Variants in TNRC6A observed in about 807,000 individuals in gnomAD.
The protein encoded by TNRC6A is trinucleotide repeat-containing gene 6A protein.
A neutral mutation model predicts 221.2 loss-of-function variants in TNRC6A; 44 were observed. That is an observed-to-expected ratio of 0.20 (90% CI 0.16 to 0.26). The LOEUF (loss-of-function observed/expected upper bound fraction) is 0.26, where lower values mean the gene tolerates loss of function less well. TNRC6A is among the 10% of genes least tolerant of loss of function. The pLI, the probability that TNRC6A is intolerant of heterozygous loss-of-function variation, is 1.00. For synonymous variants in TNRC6A, 847 were observed against 838.5 expected (o/e 1.01, Z -0.18); for missense variants, 2,199 against 2,404.4 (o/e 0.91, Z 1.79).
At chr16:24,732,500 A>G (rs1338175665) in intron 2 of TNRC6A, among the ~76,000 whole-genome samples, 1 of 152,216 alleles carries the variant, frequency 6.6e-6, no homozygotes, top group African/African-American at 2.4e-5. Flanking sequence ...GGTAGGTAGT[A>G]TTGTTATCTC....
At chr16:24,660,329 G>A (rs1166618042) in intron 2 of TNRC6A, among the ~76,000 whole-genome samples, 2 of 152,108 alleles carry the variant, frequency 1.3e-5, no homozygotes, top group African/African-American at 2.4e-5. Flanking sequence ...AACATACGAT[G>A]TTTGGTTTTC....
intron 2 of TNRC6A, among the ~76,000 whole-genome samples, chr16:24,721,490 G>A (rs1046904328): frequency 5.9e-5 from 9 of 151,982 alleles, no homozygotes; most frequent in African/African-American, 2.2e-4. Context: ...GCAACATGAT[G>A]AAAACCTGTC....
upstream of TNRC6A, among the ~76,000 whole-genome samples, chr16:24,729,103 T>C (rs1051688445): frequency 1.3e-5 from 2 of 152,040 alleles, no homozygotes; most frequent in African/African-American, 4.8e-5. Context: ...GCGGAACTGC[T>C]GAGTCAAAGG....
chr16:24,781,718 C>A (rs773769045), intron 5 of TNRC6A, among the ~76,000 whole-genome samples: 8 of 152,130 alleles, frequency 5.3e-5, no homozygotes, highest in Admixed American at 2.6e-4. Flanking sequence ...ATAGTTGCCA[C>A]CCCCATTCAT....
At chr16:24,675,009 G>A (rs982465146) in intron 2 of TNRC6A, among the ~76,000 whole-genome samples, 1 of 152,060 alleles carries the variant, frequency 6.6e-6, no homozygotes, top group Non-Finnish European at 1.5e-5. Context: ...AGCCAGTTGT[G>A]GTGGCATGCG....
At chr16:24,725,732 G>A (rs368308267), upstream of TNRC6A, among the ~76,000 whole-genome samples, 19 of 151,832 alleles carry the variant, frequency 1.3e-4, no homozygotes, top group African/African-American at 3.4e-4. Context: ...GGCCAGGCAC[G>A]GTGGCTCATG....
chr16:24,709,862 C>T (rs1429257430), intron 2 of TNRC6A, among the ~76,000 whole-genome samples: 4 of 148,314 alleles, frequency 2.7e-5, no homozygotes, highest in Admixed American at 6.8e-5. Context: ...TTCTTTGACT[C>T]GGCTATTCCA....
intron 2 of TNRC6A, among the ~76,000 whole-genome samples, chr16:24,676,022 A>C (rs992128042): frequency 5.3e-5 from 8 of 151,944 alleles, no homozygotes; most frequent in Admixed American, 1.3e-4. Context: ...CTAAATGGAA[A>C]AGGAAGGGCT....
At chr16:24,822,316 T>C (rs1213021042) in intron 23 of TNRC6A, among the ~76,000 whole-genome samples, 169 bp downstream of exon 23, 1 of 152,132 alleles carries the variant, frequency 6.6e-6, no homozygotes. Context: ...AATCTGGTGG[T>C]TCACGCTGTA....
Position 24,809,334 on chromosome 16 carries a change from T to TG in TNRC6A, c.4541-16_4541-15insG, listed in dbSNP as rs757026888. 4 of 1,493,136 alleles carry TG rather than the reference T, an allele frequency of 2.7e-6. 1 individual carries two copies. The highest frequency in any genetic ancestry group is 3.6e-6 in the Non-Finnish European group (4 of 1,111,134). The allele number at this position is 1,493,136 out of a possible 1,614,324, so 92.5% of individuals were successfully genotyped here. A position where few individuals can be genotyped will look rare whatever the true frequency, so the allele number is the denominator to read the frequency against. On this transcript the variant is annotated splice_polypyrimidine_tract_variant and intron_variant, in intron 17 of 24. Coordinates refer to ENST00000395799, the MANE Select transcript of TNRC6A (RefSeq NM_014494.4). ...CTGTATTTTCTAAGGTTTTGTTTTG[T>TG]TTTTTAATTTTTCAGGCTTGAACTC...
intron 2 of TNRC6A, among the ~76,000 whole-genome samples, chr16:24,653,648 C>T (rs60233963): frequency 0.058 from 8,820 of 151,842 alleles, 620 homozygotes; most frequent in African/African-American, 0.16. Flanking sequence ...GGCATGGTGG[C>T]GCACACCTGT....
intron 5 of TNRC6A, chr16:24,778,287 C>T: frequency 4.1e-6 from 4 of 985,138 alleles, no homozygotes; most frequent in Non-Finnish European, 4.8e-6. Context: ...TACCTGTGCT[C>T]TCTTTTATAT....
At chr16:24,621,397 C>T (rs867482148) in intron 1 of TNRC6A, among the ~76,000 whole-genome samples, 8 of 135,160 alleles carry the variant, frequency 5.9e-5, no homozygotes, top group East Asian at 4.5e-4. Flanking sequence ...CTCTCTCTGT[C>T]GCCCAGGCTG....
rs867386331 is a variant in TNRC6A at position 24,812,937 on chromosome 16, A to G, written c.4673-2210A>G. 6.3e-5 allele frequency among the ~76,000 whole-genome samples: 8 copies of G among 126,458 alleles called. No homozygotes were observed. In the South Asian group the frequency reaches 1.5e-3, roughly 24 times the overall value. 83.0% of individuals were successfully genotyped at this position (126,458 alleles called of 152,430 possible). On this transcript the variant is annotated intron_variant, in intron 18 of 24. Transcript: ENST00000395799. ...GTTGCCGAGGCTGGAGTGCAGTGGC[A>G]CAATCTCAGGTCACTGCAGCCTTGA...
intron 2 of TNRC6A, among the ~76,000 whole-genome samples, chr16:24,711,565 G>A (rs1044791158): frequency 1.3e-5 from 2 of 151,940 alleles, no homozygotes; most frequent in Non-Finnish European, 1.5e-5. Context: ...CTAGACTTTT[G>A]TATAAATTAA....
At chr16:24,726,127 T>G (rs986191132), upstream of TNRC6A, among the ~76,000 whole-genome samples, 2 of 152,050 alleles carry the variant, frequency 1.3e-5, no homozygotes, top group Non-Finnish European at 2.9e-5. Context: ...AAATACTGTG[T>G]GAGTGAATTG....
In TNRC6A at chr16:24,823,207, G is replaced by A. The variant is rs1167628258; in HGVS notation, c.5513+194G>A. Among the ~76,000 whole-genome samples the A allele has an allele frequency of 1.3e-5, 2 of 152,232 alleles. No individual in the cohort carries two copies. The highest frequency in any genetic ancestry group is 2.9e-5 in the Non-Finnish European group (2 of 68,044). On this transcript the variant is annotated intron_variant, in intron 24 of 24. Transcript: ENST00000395799. This position sits in a 1 kb window ranked among gnomAD's most constrained non-coding sequence, Gnocchi z 4.3. The stretch of plus-strand genomic sequence containing the variant: ...ATGGCCCTAGAAAGTCCCTTACGTT[G>A]CCCATGGCAGACAGAGGAAGTTCGC...
At chr16:24,725,782 C>CT (rs924525406), upstream of TNRC6A, among the ~76,000 whole-genome samples, 7 of 151,776 alleles carry the variant, frequency 4.6e-5, no homozygotes, top group African/African-American at 1.7e-4. Flanking sequence ...CGGGTGATCA[C>CT]TTGAGTCAGG....
intron 14 of TNRC6A, chr16:24,805,382 G>A: frequency 1.1e-6 from 1 of 927,068 alleles, no homozygotes; most frequent in Non-Finnish European, 1.6e-6. Context: ...TAGGACAAAA[G>A]CAAAGTAAAA....
Sources: gnomAD v4.1 joint callset for allele counts (sites outside exome capture counted in the v4.1 genomes callset) on GRCh38, gnomAD v4.1.1 for gene constraint, Gnocchi (gnomAD v3.1) non-coding constraint, MANE v1.5 for transcripts, NCBI Gene and HGNC (gene_info 2026-07-23, HGNC 2026-07-21) for gene names.